The following KIAA1210 variants were observed in gnomAD, a reference collection of about 807,000 sequenced individuals.
KIAA1210 encodes the protein KIAA1210.
A neutral mutation model predicts 78.9 loss-of-function variants in KIAA1210; 48 were observed. The observed-to-expected ratio is 0.61, with a 90% confidence interval of 0.48 to 0.77. KIAA1210 has a LOEUF of 0.77. Ranked by LOEUF, KIAA1210 falls within the 30% of genes least tolerant of loss-of-function variation. The pLI, the probability that KIAA1210 is intolerant of heterozygous loss-of-function variation, is 0.00. For missense variants in KIAA1210, 1,108 were observed against 1,100.0 expected, an observed-to-expected ratio of 1.01 and a Z score of -0.10; for synonymous variants, 406 against 404.5, an observed-to-expected ratio of 1.00 and a Z score of -0.04.
Position 119,105,066 on chromosome X carries a change from T to C in KIAA1210, c.574A>G (p.Ile192Val). ...TTAGGTGACTCATCATCGAGAGAGA[T>C]TTCTACCAAGTTCTTAGAAATTATT... Reference protein sequence around the residue: ...PEIISKNLVEISLDDESPKNP... With the variant: ...PEIISKNLVEVSLDDESPKNP... Residue 192 changes from isoleucine to valine, a missense_variant, in exon 6 of 12, where the codon ATC becomes GTC. This residue lies in a region of KIAA1210 where 672 missense variants were observed against 607.1 expected (regional missense o/e 1.11). Transcript: ENST00000691062. 2.5e-6 allele frequency: 3 copies of C among 1,209,756 alleles called. No homozygotes were observed. The highest frequency in any genetic ancestry group is 2.2e-5 in the Admixed American group (1 of 45,837).
At chrX:119,096,046 A>G (rs1927541827) in intron 7 of KIAA1210, among the ~76,000 whole-genome samples, 1 of 111,875 alleles carries the variant, frequency 8.9e-6, no homozygotes. Flanking sequence ...GTTAACAACT[A>G]AGTTCTGGAT....
At chrX:119,100,328 T>TA (rs35969490) in intron 6 of KIAA1210, among the ~76,000 whole-genome samples, 838 of 46,471 alleles carry the variant, frequency 0.018, 12 homozygotes, top group African/African-American at 0.037. Flanking sequence ...AGACTGTCTT[T>TA]AAAAAAAAAA....
chrX:119,135,805 G>A (rs937195150), intron 2 of KIAA1210, among the ~76,000 whole-genome samples: 2 of 112,215 alleles, frequency 1.8e-5, no homozygotes, highest in African/African-American at 6.5e-5. Context: ...TGTAATCCCA[G>A]CACTTTGGGA....
At chrX:119,125,547 G>A (rs1175630877) in intron 1 of KIAA1210, among the ~76,000 whole-genome samples, 1 of 101,442 alleles carries the variant, frequency 9.9e-6, no homozygotes, top group African/African-American at 3.6e-5. Context: ...AGAAATCAAT[G>A]CTGACATTAT....
upstream of KIAA1210, among the ~76,000 whole-genome samples, chrX:119,129,812 C>A (rs757909278): frequency 9.0e-6 from 1 of 111,676 alleles, no homozygotes; most frequent in Non-Finnish European, 1.9e-5. Flanking sequence ...AGAAACGCTG[C>A]CTCTTCCTAC....
intron 3 of KIAA1210, among the ~76,000 whole-genome samples, chrX:119,113,597 T>G (rs187861607): frequency 9.0e-6 from 1 of 111,678 alleles, no homozygotes; most frequent in African/African-American, 3.2e-5. Flanking sequence ...GGTGACAAAA[T>G]GTCCTAAAAT....
intron 8 of KIAA1210, 34 bp from the exon 9 acceptor site, chrX:119,089,780 T>C (rs761534874): frequency 4.5e-6 from 5 of 1,123,065 alleles, no homozygotes; most frequent in Non-Finnish European, 5.9e-6. Context: ...AGGAGAAATA[T>C]GTGTGACTTT....
intron 2 of KIAA1210, among the ~76,000 whole-genome samples, chrX:119,119,972 T>C (rs1452220307): frequency 1.9e-5 from 1 of 51,468 alleles, no homozygotes; most frequent in Non-Finnish European, 3.1e-5. Flanking sequence ...TGAGACTCCA[T>C]CTCAAAAAAA....
chrX:119,145,763 C>A (rs1218194147), intron 2 of KIAA1210, among the ~76,000 whole-genome samples: 1 of 112,381 alleles, frequency 8.9e-6, no homozygotes, highest in South Asian at 3.7e-4. Context: ...AAACTAATTT[C>A]TTCTAGTGAA....
intron 6 of KIAA1210, among the ~76,000 whole-genome samples, chrX:119,100,347 A>C (rs1330258997): frequency 9.4e-6 from 1 of 106,897 alleles, no homozygotes; most frequent in African/African-American, 3.4e-5. Flanking sequence ...AAAAAAAAAA[A>C]AAAAAAGCTA....
At chrX:119,081,659 C>A (rs1057473477) in intron 11 of KIAA1210, among the ~76,000 whole-genome samples, 155 bp from the exon 12 acceptor site, 11 of 112,247 alleles carry the variant, frequency 9.8e-5, no homozygotes, top group Non-Finnish European at 1.9e-4. Context: ...TGGTGCCAGA[C>A]TTCTAAAAGT....
chrX:119,108,842 C>CA (rs3049062), intron 4 of KIAA1210, among the ~76,000 whole-genome samples: 839 of 70,455 alleles, frequency 0.012, 4 homozygotes, highest in African/African-American at 0.029. Flanking sequence ...AGACCTGTCT[C>CA]AAAAAAAAAA....
chrX:119,085,690 C>T, intron 9 of KIAA1210, 144 bp from the exon 10 acceptor site: 2 of 558,327 alleles, frequency 3.6e-6, no homozygotes, highest in Non-Finnish European at 5.4e-6. Context: ...AGAGAAGGCC[C>T]CCCTTTTTTG....
intron 5 of KIAA1210, 37 bp from the exon 6 acceptor site, chrX:119,105,184 C>A (rs775907996): frequency 7.1e-6 from 8 of 1,127,471 alleles, no homozygotes; most frequent in African/African-American, 1.8e-5. Flanking sequence ...AATTTAAAAC[C>A]TGTGCTCTCT....
At chrX:119,150,280 C>T in intron 1 of KIAA1210, 1 of 1,197,129 alleles carries the variant, frequency 8.4e-7, no homozygotes, top group Non-Finnish European at 1.1e-6. Context: ...TGTAGGAGTG[C>T]CACAAAGTAC....
chrX:119,149,787 G>T (rs1470167821), intron 1 of KIAA1210, among the ~76,000 whole-genome samples: 1 of 111,417 alleles, frequency 9.0e-6, no homozygotes. Flanking sequence ...CTTGGAATAA[G>T]TTTAGAAAAT....
chrX:119,082,381 G>A lies in KIAA1210; in HGVS notation c.4426+634C>T, dbSNP rs1194051737. On this transcript the variant is annotated intron_variant, in intron 11 of 11. Transcript: ENST00000691062. ...TCCTGGTCTAATTTCTTCATGAGCG[G>A]GATTAAGGGAGAGGACAAAGATGGT... Among the ~76,000 whole-genome samples, 3 of 111,760 alleles carry A rather than the reference G, an allele frequency of 2.7e-5. No individual in the cohort carries two copies. In the East Asian group the frequency reaches 8.4e-4, roughly 31 times the overall value.
chrX:119,090,606 A>C (rs189009981), intron 8 of KIAA1210, among the ~76,000 whole-genome samples: 12 of 106,950 alleles, frequency 1.1e-4, no homozygotes, highest in African/African-American at 3.8e-4. Context: ...GGTCAATAGG[A>C]GTTATCTGGG....
chrX:119,121,997 C>T (rs1480282906), intron 2 of KIAA1210, among the ~76,000 whole-genome samples: 2 of 107,267 alleles, frequency 1.9e-5, no homozygotes, highest in Non-Finnish European at 3.8e-5. Context: ...CTCCTGACCT[C>T]GTGATCTGCC....
Sources: gnomAD v4.1 joint callset for allele counts (sites outside exome capture counted in the v4.1 genomes callset) on GRCh38, gnomAD v4.1.1 for gene constraint, gnomAD v4.1.1 regional missense constraint, MANE v1.5 for transcripts, NCBI Gene and HGNC (gene_info 2026-07-23, HGNC 2026-07-21) for gene names.